RAB22A: variants seen among roughly 807,000 people sequenced by gnomAD.
The protein encoded by RAB22A is ras-related protein Rab-22A.
In RAB22A, 13 loss-of-function variants were observed where a neutral mutation model predicts 30.2. The ratio of observed to expected loss-of-function variants is 0.43; its 90% CI spans 0.28 to 0.68. RAB22A has a LOEUF of 0.68. RAB22A is among the 30% of genes least tolerant of loss of function. RAB22A has a pLI of 0.18. For synonymous variants in RAB22A, 89 were observed against 87.2 expected (o/e 1.02, Z -0.11); for missense variants, 177 against 246.8 (o/e 0.72, Z 1.89).
chr20:58,353,214 G>T lies in RAB22A; in HGVS notation c.199-59G>T, dbSNP rs907726906. 4.2e-6 allele frequency: 6 copies of T among 1,438,514 alleles called. No homozygotes were observed. The East Asian group carries it at 1.1e-4, about 27-fold the overall frequency. 89.1% of individuals were successfully genotyped at this position (1,438,514 alleles called of 1,614,324 possible). On this transcript the variant is annotated intron_variant, in intron 3 of 6. Coordinates refer to ENST00000244040, the MANE Select transcript of RAB22A (RefSeq NM_020673.3). The stretch of plus-strand genomic sequence containing the variant: ...CAGGGATAATGGGCTTATAAATCTA[G>T]TATAAAACATATTTAACCAGTTTTC...
chr20:58,313,666 A>G (rs1325475610), intron 2 of RAB22A, among the ~76,000 whole-genome samples: 1 of 152,176 alleles, frequency 6.6e-6, no homozygotes, highest in Non-Finnish European at 1.5e-5. Flanking sequence ...TCTAATAGCC[A>G]AAGTCAAATG....
intron 2 of RAB22A, among the ~76,000 whole-genome samples, chr20:58,324,367 G>A (rs1986517220): frequency 6.6e-6 from 1 of 151,858 alleles, no homozygotes; most frequent in Non-Finnish European, 1.5e-5. Flanking sequence ...ACATAAAGAT[G>A]TTAAGATTCT....
At position 58,309,956 on chromosome 20, in the gene RAB22A, C is replaced by T. The variant is rs760964425; in HGVS notation, c.-21C>T. On this transcript the variant is annotated 5_prime_UTR_variant, in exon 1 of 7. Transcript: ENST00000244040. ...TCTCAACTTAGGGCGGCGGCGGGCCCGCGCCCCTGGCTCCCGGGCCATGGC... is the reference window on the plus strand; with the variant it reads ...TCTCAACTTAGGGCGGCGGCGGGCCTGCGCCCCTGGCTCCCGGGCCATGGC... 9 of 1,264,752 alleles carry T rather than the reference C, an allele frequency of 7.1e-6. No homozygotes were observed. The South Asian group carries it at 1.3e-4, about 19-fold the overall frequency. The allele number at this position is 1,264,752 out of a possible 1,614,324, so 78.3% of individuals were successfully genotyped here.
At chr20:58,328,944 G>A (rs1223317970) in intron 2 of RAB22A, among the ~76,000 whole-genome samples, 2 of 152,136 alleles carry the variant, frequency 1.3e-5, no homozygotes, top group Non-Finnish European at 2.9e-5. Flanking sequence ...TTCATCTGAT[G>A]ACATTTACCG....
At chr20:58,353,098 A>G (rs537115187) in intron 3 of RAB22A, among the ~76,000 whole-genome samples, 175 bp from the exon 4 acceptor site, 1 of 152,356 alleles carries the variant, frequency 6.6e-6, no homozygotes, top group East Asian at 1.9e-4. Context: ...TCAGTGTTAC[A>G]TTAAAAGTTT....
Position 58,354,271 on chromosome 20 carries a change from T to C in RAB22A, c.487+6T>C. 1 of 1,585,718 alleles carries C rather than the reference T, an allele frequency of 6.3e-7. No homozygotes were observed. The highest frequency in any genetic ancestry group is 8.6e-7 in the Non-Finnish European group (1 of 1,156,448). Reference sequence around the variant, plus strand: ...TGAACTCTTTATAGAAATTAGTGAGTATCTCTGTGCCTTATCCATTTCCTC... The same window carrying C: ...TGAACTCTTTATAGAAATTAGTGAGCATCTCTGTGCCTTATCCATTTCCTC... On this transcript the variant is annotated splice_donor_region_variant and intron_variant, in intron 6 of 6. Transcript: ENST00000244040.
In RAB22A at chr20:58,364,284, C is replaced by T. The variant is rs1019760386; in HGVS notation, c.*4581C>T. On this transcript the variant is annotated 3_prime_UTR_variant, in exon 7 of 7. Transcript: ENST00000244040. ...AGCATATAGGAAAATGATTTACCTT[C>T]CAGATCTCGAAGGACTTCCAATAGC... The T allele has an allele frequency of 6.6e-6, 1 of 152,188 alleles. No individual in the cohort carries two copies. The highest frequency in any genetic ancestry group is 6.5e-5 in the Admixed American group (1 of 15,274). The allele number at this position is 152,188 out of a possible 1,614,324, so 9.4% of individuals were successfully genotyped here.
At chr20:58,317,902 C>T (rs1239248512) in intron 2 of RAB22A, among the ~76,000 whole-genome samples, 5 of 151,926 alleles carry the variant, frequency 3.3e-5, no homozygotes, top group African/African-American at 1.2e-4. Flanking sequence ...CTTGTTCTGT[C>T]ACCCAGGCTG....
chr20:58,340,956 T>G (rs1329362523), intron 2 of RAB22A, among the ~76,000 whole-genome samples: 1 of 152,020 alleles, frequency 6.6e-6, no homozygotes, highest in Non-Finnish European at 1.5e-5. Flanking sequence ...TGAAAAGATT[T>G]GAGACTTGAG....
chr20:58,316,415 A>G (rs531317), intron 2 of RAB22A, among the ~76,000 whole-genome samples: 18,985 of 152,092 alleles, frequency 0.12, 1,525 homozygotes, highest in Non-Finnish European at 0.18. Context: ...GATGTCATGT[A>G]ACTCCAGTTG....
intron 3 of RAB22A, among the ~76,000 whole-genome samples, 183 bp downstream of exon 3, chr20:58,343,982 G>T (rs1986902645): frequency 6.6e-6 from 1 of 152,128 alleles, no homozygotes; most frequent in Admixed American, 6.5e-5. Context: ...AGAGTCCACC[G>T]ATGGAGAAAG....
rs1320159463 is a variant in RAB22A at position 58,365,900 on chromosome 20, C to G, written c.*6197C>G. ...GGCTGGTCTCGAACTCCTGACCTCACGATCCGCCCGCCTCGGCCTCCCAAA... is the reference window on the plus strand; with the variant it reads ...GGCTGGTCTCGAACTCCTGACCTCAGGATCCGCCCGCCTCGGCCTCCCAAA... On this transcript the variant is annotated 3_prime_UTR_variant, in exon 7 of 7. Coordinates refer to ENST00000244040, the MANE Select transcript of RAB22A (RefSeq NM_020673.3). The G allele has an allele frequency of 7.9e-5, 12 of 152,130 alleles. No homozygotes were observed. The highest frequency in any genetic ancestry group is 7.9e-4 in the Admixed American group (12 of 15,248). The allele number at this position is 152,130 out of a possible 1,614,324, so 9.4% of individuals were successfully genotyped here. A position where few individuals can be genotyped will look rare whatever the true frequency, so the allele number is the denominator to read the frequency against.
Position 58,343,711 on chromosome 20 carries a change from T to A in RAB22A, c.117-7T>A, listed in dbSNP as rs1372635168. ...TGTATTCTGATCATTTAGGTCTCTC[T>A]TTATAGGGCATCTTTTATGACCAAG... On this transcript the variant is annotated splice_region_variant and splice_polypyrimidine_tract_variant and intron_variant, in intron 2 of 6. Transcript: ENST00000244040. 2 of 1,599,790 alleles carry A rather than the reference T, an allele frequency of 1.3e-6. No homozygotes were observed. Among genetic ancestry groups the A allele is most frequent in the Non-Finnish European group, 1.7e-6 (2 of 1,167,006 alleles).
In RAB22A at chr20:58,354,866, C is replaced by G. The variant is rs367782987; in HGVS notation, c.487+601C>G. Among the ~76,000 whole-genome samples, 10 of 152,288 alleles carry G rather than the reference C, an allele frequency of 6.6e-5. No individual in the cohort carries two copies. In the East Asian group the frequency reaches 1.5e-3, roughly 24 times the overall value. ...AGCCGTGAAGAAGATAGACGCAGCC[C>G]CTGCTCTCCTGGAGCGCACATTCTA... is the stretch of plus-strand genomic sequence containing the variant. On this transcript the variant is annotated intron_variant, in intron 6 of 6. Transcript: ENST00000244040.
chr20:58,340,306 AGCTGGTG>A (rs1020005215), intron 2 of RAB22A, among the ~76,000 whole-genome samples: 4 of 152,092 alleles, frequency 2.6e-5, no homozygotes, highest in Non-Finnish European at 5.9e-5. Flanking sequence ...AAGGAGTTGG[AGCTGGTG>A]GCTTGGCAGA....
At chr20:58,344,771 G>A (rs1013011236) in intron 3 of RAB22A, among the ~76,000 whole-genome samples, 1 of 152,176 alleles carries the variant, frequency 6.6e-6, no homozygotes, top group Non-Finnish European at 1.5e-5. Context: ...ACAGACAAAT[G>A]GAGGAAAACA....
chr20:58,320,009 A>G (rs1479412542), intron 2 of RAB22A, among the ~76,000 whole-genome samples: 1 of 152,090 alleles, frequency 6.6e-6, no homozygotes, highest in Admixed American at 6.5e-5. Context: ...TATTTTTTAT[A>G]TATTGCTGGA....
In RAB22A at chr20:58,364,367, T is replaced by C. The variant is rs894520877; in HGVS notation, c.*4664T>C. On this transcript the variant is annotated 3_prime_UTR_variant, in exon 7 of 7. Coordinates refer to ENST00000244040, the MANE Select transcript of RAB22A (RefSeq NM_020673.3). ...TCAGAAATAACTAATATCTGTTTTC[T>C]TTCCTTTTAGAGTATAATCAATTAT... 3.3e-5 allele frequency: 5 copies of C among 152,236 alleles called. No individual in the cohort carries two copies. Among genetic ancestry groups the C allele is most frequent in the African/African-American group, 1.2e-4 (5 of 41,460 alleles). The allele number at this position is 152,236 out of a possible 1,614,324, so 9.4% of individuals were successfully genotyped here.
intron 2 of RAB22A, among the ~76,000 whole-genome samples, chr20:58,333,941 C>G (rs6064644): frequency 2.6e-5 from 4 of 152,102 alleles, no homozygotes; most frequent in Non-Finnish European, 5.9e-5. Flanking sequence ...ACCTTTAGTC[C>G]TAGCTACTTG....
Sources: gnomAD v4.1 joint callset for allele counts (sites outside exome capture counted in the v4.1 genomes callset) on GRCh38, gnomAD v4.1.1 for gene constraint, MANE v1.5 for transcripts, NCBI Gene and HGNC (gene_info 2026-07-23, HGNC 2026-07-21) for gene names.